Variants in MLLT3 observed in about 807,000 individuals in gnomAD.
The protein encoded by MLLT3 is MLLT3 super elongation complex subunit, also known as protein AF-9.
Under a neutral mutation model 53.2 loss-of-function variants are expected in MLLT3, and 4 were observed. That is an observed-to-expected ratio of 0.08 (90% CI 0.04 to 0.17). MLLT3 has a LOEUF of 0.17. MLLT3 is among the 10% of genes least tolerant of loss of function. The probability of loss-of-function intolerance (pLI) is 1.00; values close to 1 mark genes in which losing one functional copy is unlikely to be tolerated. For synonymous variants in MLLT3, 283 were observed against 230.6 expected, an observed-to-expected ratio of 1.23 and a Z score of -2.06; for missense variants, 569 against 684.0, an observed-to-expected ratio of 0.83 and a Z score of 1.87.
intron 2 of MLLT3, among the ~76,000 whole-genome samples, chr9:20,567,506 T>C (rs756244633): frequency 6.6e-6 from 1 of 152,168 alleles, no homozygotes; most frequent in Non-Finnish European, 1.5e-5. Context: ...AACTCTGTTT[T>C]AGTAAATCTT....
chr9:20,516,288 T>C (rs370088266), intron 2 of MLLT3, among the ~76,000 whole-genome samples: 92 of 152,318 alleles, frequency 6.0e-4, no homozygotes, highest in African/African-American at 2.0e-3. Context: ...ACTTTTTTTT[T>C]CTAATCGCAC....
chr9:20,350,377 C>T (rs371769906), intron 10 of MLLT3, among the ~76,000 whole-genome samples: 29 of 152,172 alleles, frequency 1.9e-4, no homozygotes, highest in South Asian at 8.3e-4. Context: ...GGGCGGATCA[C>T]GAGGTCAGGA....
chr9:20,415,994 C>T (rs978386186), intron 4 of MLLT3, among the ~76,000 whole-genome samples: 121 of 151,882 alleles, frequency 8.0e-4, no homozygotes, highest in African/African-American at 2.8e-3. Context: ...TAAGCAAAGA[C>T]TTGTTTTTAT....
chr9:20,571,418 T>C (rs1819529279), intron 2 of MLLT3, among the ~76,000 whole-genome samples: 2 of 152,132 alleles, frequency 1.3e-5, no homozygotes, highest in Non-Finnish European at 2.9e-5. Flanking sequence ...CTCAATTCAA[T>C]AACAATAAAA....
intron 2 of MLLT3, among the ~76,000 whole-genome samples, chr9:20,579,448 T>A (rs1412212949): frequency 1.3e-5 from 2 of 151,860 alleles, no homozygotes; most frequent in Non-Finnish European, 2.9e-5. Context: ...AACAACTTGG[T>A]ATCATCGAGA....
Position 20,353,519 on chromosome 9 carries a change from T to A in MLLT3, c.1575+6A>T. 6.2e-7 allele frequency: 1 copy of A among 1,613,420 alleles called. No homozygotes were observed. Among genetic ancestry groups the A allele is most frequent in the Non-Finnish European group, 8.5e-7 (1 of 1,179,320 alleles). ...GGAAAGGGTTGTGCTAAAAAGCATT[T>A]CTCACCTGCTGCAGAATGTGTCTTT... On this transcript the variant is annotated splice_donor_region_variant and intron_variant, in intron 10 of 10. Coordinates refer to ENST00000380338, the MANE Select transcript of MLLT3 (RefSeq NM_004529.4).
At chr9:20,609,592 G>C (rs1330794303) in intron 2 of MLLT3, among the ~76,000 whole-genome samples, 1 of 152,052 alleles carries the variant, frequency 6.6e-6, no homozygotes, top group Non-Finnish European at 1.5e-5. Context: ...TAATGGCATG[G>C]TCAAGAGCCA....
At chr9:20,427,508 C>T (rs938436551) in intron 4 of MLLT3, among the ~76,000 whole-genome samples, 2 of 151,526 alleles carry the variant, frequency 1.3e-5, no homozygotes, top group African/African-American at 4.8e-5. Flanking sequence ...AAATTAGAGA[C>T]CCAGAAAGAA....
intron 7 of MLLT3, among the ~76,000 whole-genome samples, chr9:20,361,500 T>C (rs1821321398): frequency 6.6e-6 from 1 of 152,242 alleles, no homozygotes; most frequent in Non-Finnish European, 1.5e-5. Flanking sequence ...CAATCATTTC[T>C]ACTGTGTCAT....
chr9:20,371,657 T>C (rs1284337337), intron 5 of MLLT3, among the ~76,000 whole-genome samples: 1 of 152,204 alleles, frequency 6.6e-6, no homozygotes, highest in Non-Finnish European at 1.5e-5. Flanking sequence ...TTTCAAAATA[T>C]TATTGCTCAT....
intron 2 of MLLT3, among the ~76,000 whole-genome samples, chr9:20,595,951 A>G (rs1356763603): frequency 6.6e-6 from 1 of 152,232 alleles, no homozygotes; most frequent in Non-Finnish European, 1.5e-5. Flanking sequence ...CAAGTGACTG[A>G]GGAATTAAAT....
intron 5 of MLLT3, among the ~76,000 whole-genome samples, chr9:20,384,017 G>A (rs889782738): frequency 6.6e-6 from 1 of 152,002 alleles, no homozygotes; most frequent in Admixed American, 6.6e-5. Flanking sequence ...GCATCACATT[G>A]TTTGAGAAGT....
intron 2 of MLLT3, among the ~76,000 whole-genome samples, chr9:20,599,598 G>GTCATATCTCT (rs1563837838): frequency 6.6e-6 from 1 of 152,094 alleles, no homozygotes; most frequent in Non-Finnish European, 1.5e-5. Context: ...TAAAAGTAGA[G>GTCATATCTCT]ATATGACCTA....
intron 2 of MLLT3, among the ~76,000 whole-genome samples, chr9:20,469,597 G>C (rs963368531): frequency 7.9e-5 from 12 of 151,936 alleles, no homozygotes; most frequent in African/African-American, 2.7e-4. Flanking sequence ...TCTGCCAGTA[G>C]TTGAATCTTA....
intron 5 of MLLT3, among the ~76,000 whole-genome samples, chr9:20,375,383 G>C (rs1248568045): frequency 1.3e-5 from 2 of 152,106 alleles, no homozygotes; most frequent in African/African-American, 4.8e-5. Flanking sequence ...TTATAAATTA[G>C]GGACAGGGAA....
chr9:20,472,152 T>C (rs986666592), intron 2 of MLLT3, among the ~76,000 whole-genome samples: 1 of 152,100 alleles, frequency 6.6e-6, no homozygotes, highest in Admixed American at 6.6e-5. Context: ...TAGGGATTTG[T>C]TTTTATGTTA....
rs375173076 is a variant in MLLT3 at position 20,622,302 on chromosome 9, C to A, written c.-46G>T. On this transcript the variant is annotated 5_prime_UTR_variant, in exon 1 of 11. Coordinates refer to ENST00000380338, the MANE Select transcript of MLLT3 (RefSeq NM_004529.4). ...GCTGGGGTGTTGTGTGGTACCCCCCCCTCCTCCGCCCCCCCTCAGCTGTAA... is the reference window on the plus strand; with the variant it reads ...GCTGGGGTGTTGTGTGGTACCCCCCACTCCTCCGCCCCCCCTCAGCTGTAA... The A allele has an allele frequency of 3.1e-5, 47 of 1,499,512 alleles. No homozygotes were observed. Among genetic ancestry groups the A allele is most frequent in the Non-Finnish European group, 4.0e-5 (45 of 1,115,004 alleles). The allele number at this position is 1,499,512 out of a possible 1,614,324, so 92.9% of individuals were successfully genotyped here.
intron 2 of MLLT3, among the ~76,000 whole-genome samples, chr9:20,485,717 A>G (rs1054912706): frequency 2.1e-5 from 3 of 145,134 alleles, no homozygotes; most frequent in South Asian, 2.3e-4. Context: ...AATTTTAATA[A>G]AAGAATATAC....
At chr9:20,407,727 C>T (rs1822621642) in intron 5 of MLLT3, among the ~76,000 whole-genome samples, 1 of 152,156 alleles carries the variant, frequency 6.6e-6, no homozygotes, top group Non-Finnish European at 1.5e-5. Flanking sequence ...GAAGATTCTT[C>T]ATCTTGGAGC....
Sources: allele counts gnomAD v4.1 joint callset (sites outside exome capture counted in the v4.1 genomes callset), GRCh38; gene constraint gnomAD v4.1.1; transcripts MANE v1.5; gene names NCBI Gene and HGNC (gene_info 2026-07-23, HGNC 2026-07-21).